Variants in ST8SIA3 observed in about 807,000 individuals in gnomAD.
ST8SIA3 encodes alpha-N-acetylneuraminate alpha-2,8-sialyltransferase ST8SIA3.
A neutral mutation model predicts 34.5 loss-of-function variants in ST8SIA3; 17 were observed. The ratio of observed to expected loss-of-function variants is 0.49; its 90% CI spans 0.34 to 0.74. The LOEUF is 0.74. ST8SIA3 is among the 30% of genes least tolerant of loss of function. The pLI is 0.01. For synonymous variants in ST8SIA3, 172 were observed against 176.1 expected, an observed-to-expected ratio of 0.98 and a Z score of 0.19; for missense variants, 354 against 467.8, an observed-to-expected ratio of 0.76 and a Z score of 2.24.
Position 57,357,481 on chromosome 18 carries a change from T to G in ST8SIA3, c.860+11T>G, listed in dbSNP as rs1436731890. On this transcript the variant is annotated intron_variant, in intron 3 of 3. Coordinates refer to ENST00000324000, the MANE Select transcript of ST8SIA3 (RefSeq NM_015879.3). ...GCAACATGTCAACAGGTGTGTATAT[T>G]TTATTACATTTTACTCATACTCCAC... 6.3e-7 allele frequency: 1 copy of G among 1,594,912 alleles called. No homozygotes were observed. Among genetic ancestry groups the G allele is most frequent in the African/African-American group, 1.3e-5 (1 of 74,438 alleles).
At chr18:57,356,041 T>A (rs539379099) in intron 2 of ST8SIA3, among the ~76,000 whole-genome samples, 1 of 152,372 alleles carries the variant, frequency 6.6e-6, no homozygotes, top group South Asian at 2.1e-4. Context: ...CTGGGTTTAC[T>A]TAACATCGGA....
In ST8SIA3 at chr18:57,368,359, A is replaced by G. The variant is rs1426668275; in HGVS notation, c.*8082A>G. The G allele has an allele frequency of 6.6e-6, 1 of 152,238 alleles. No homozygotes were observed. Among genetic ancestry groups the G allele is most frequent in the African/African-American group, 2.4e-5 (1 of 41,470 alleles). 9.4% of individuals were successfully genotyped at this position (152,238 alleles called of 1,614,324 possible). On this transcript the variant is annotated 3_prime_UTR_variant, in exon 4 of 4. Transcript: ENST00000324000. ...AGAGTAATGATGAAACCAAAAGGTC[A>G]AAAAGTAGAAGAATAGCGAATGTAA...
rs1176110073 is a variant in ST8SIA3 at position 57,362,664 on chromosome 18, A to C, written c.*2387A>C. ...TCTATCACTTTAATGAAAACTCAAA[A>C]TAGTGAGGAAATGGACTTTTCTTCA... is the stretch of plus-strand genomic sequence containing the variant. On this transcript the variant is annotated 3_prime_UTR_variant, in exon 4 of 4. Transcript: ENST00000324000. 2 of 152,158 alleles carry C rather than the reference A, an allele frequency of 1.3e-5. No individual in the cohort carries two copies. The highest frequency in any genetic ancestry group is 4.8e-5 in the African/African-American group (2 of 41,428). 9.4% of individuals were successfully genotyped at this position (152,158 alleles called of 1,614,324 possible). A position where few individuals can be genotyped will look rare whatever the true frequency, so the allele number is the denominator to read the frequency against.
At position 57,366,467 on chromosome 18, in the gene ST8SIA3, A is replaced by G. The variant is rs1297471921; in HGVS notation, c.*6190A>G. The G allele has an allele frequency of 3.3e-5, 5 of 152,396 alleles. No homozygotes were observed. The highest frequency in any genetic ancestry group is 5.9e-5 in the Non-Finnish European group (4 of 68,038). 9.4% of individuals were successfully genotyped at this position (152,396 alleles called of 1,614,324 possible). A position where few individuals can be genotyped will look rare whatever the true frequency, so the allele number is the denominator to read the frequency against. Reference sequence around the variant, plus strand: ...TTGGCTGATCTTTTTTAAAAAATCTATACCTATAGTTCATCACTTGTTTCC... The same window carrying G: ...TTGGCTGATCTTTTTTAAAAAATCTGTACCTATAGTTCATCACTTGTTTCC... On this transcript the variant is annotated 3_prime_UTR_variant, in exon 4 of 4. Transcript: ENST00000324000.
rs748174325 is a variant in ST8SIA3 at position 57,353,016 on chromosome 18, C to A, written c.170C>A (p.Ala57Glu). 6.2e-7 allele frequency: 1 copy of A among 1,607,936 alleles called. No individual in the cohort carries two copies. Among genetic ancestry groups the A allele is most frequent in the Non-Finnish European group, 8.5e-7 (1 of 1,179,824 alleles). The change falls in exon 1 of 4, where the codon GCG becomes GAG. Residue 57 changes from alanine to glutamate, a missense_variant. By Grantham distance (107) the Ala-to-Glu change is moderately radical. Coordinates refer to ENST00000324000, the MANE Select transcript of ST8SIA3 (RefSeq NM_015879.3). ...PGAPRMYMFH[A>E]GFRSQFALKF... Reference sequence around the variant, plus strand: ...GCGCCCCGAATGTACATGTTCCACGCGGGATTCCGGTGAGTGCGGGCCTCT... The same window carrying A: ...GCGCCCCGAATGTACATGTTCCACGAGGGATTCCGGTGAGTGCGGGCCTCT...
rs535953808 is a variant in ST8SIA3, at chr18:57,360,619, C to G, written c.*342C>G. The G allele has an allele frequency of 2.0e-3, 428 of 217,012 alleles. 5 individuals carry two copies. The highest frequency in any genetic ancestry group is 4.4e-3 in the South Asian group (42 of 9,566). 13.4% of individuals were successfully genotyped at this position (217,012 alleles called of 1,614,324 possible). A position where few individuals can be genotyped will look rare whatever the true frequency, so the allele number is the denominator to read the frequency against. On this transcript the variant is annotated 3_prime_UTR_variant, in exon 4 of 4. Coordinates refer to ENST00000324000, the MANE Select transcript of ST8SIA3 (RefSeq NM_015879.3). The stretch of plus-strand genomic sequence containing the variant: ...GAGCTATAGTTTCTGCAGCTCTGCT[C>G]AGATAGTCCTCATAATCAGAGGCCT...
At chr18:57,353,597 T>C (rs1216742664) in intron 1 of ST8SIA3, among the ~76,000 whole-genome samples, 4 of 150,814 alleles carry the variant, frequency 2.7e-5, no homozygotes, top group African/African-American at 9.8e-5. Flanking sequence ...CCCCACCAGC[T>C]TTCCGGGATT....
chr18:57,356,943 A>G lies in ST8SIA3; in HGVS notation c.333A>G (p.Ile111Met), dbSNP rs2049801029. Residue 111 changes from isoleucine (I) to methionine (M), a missense_variant, in exon 3 of 4, where the codon ATA becomes ATG. Around this residue, in one of 3 missense-constraint regions of ST8SIA3, gnomAD observed 184 missense variants for 205.4 expected, o/e 0.90. Coordinates refer to ENST00000324000, the MANE Select transcript of ST8SIA3 (RefSeq NM_015879.3). ...AAATTCTTCAGCATGTCGATGTAAT[A>G]AAAAATTTTTCTTTGACCAAGAATA... ...RQEILQHVDV[I>M]KNFSLTKNSV... is the part of the protein sequence containing the mutation. 2 of 1,600,388 alleles carry G rather than the reference A, an allele frequency of 1.2e-6. No homozygotes were observed. Among genetic ancestry groups the G allele is most frequent in the African/African-American group, 2.7e-5 (2 of 74,310 alleles).
At position 57,357,339 on chromosome 18, in the gene ST8SIA3, T is replaced by C. The variant is rs528777715; in HGVS notation, c.729T>C (p.Leu243=). The change falls in exon 3 of 4, where the codon CTT becomes CTC. Residue 243 remains leucine, a synonymous_variant. Coordinates refer to ENST00000324000, the MANE Select transcript of ST8SIA3 (RefSeq NM_015879.3). ...LSLKKLDGAI[L]WIPAFFFHTS... Reference sequence around the variant, plus strand: ...TAAAAAAGCTTGACGGGGCCATTCTTTGGATCCCTGCATTTTTCTTCCACA... The same window carrying C: ...TAAAAAAGCTTGACGGGGCCATTCTCTGGATCCCTGCATTTTTCTTCCACA... 6.2e-7 allele frequency: 1 copy of C among 1,613,694 alleles called. No individual in the cohort carries two copies. Among genetic ancestry groups the C allele is most frequent in the Non-Finnish European group, 8.5e-7 (1 of 1,180,004 alleles).
chr18:57,356,907 T>C lies in ST8SIA3; in HGVS notation c.303-6T>C. 3 of 1,559,926 alleles carry C rather than the reference T, an allele frequency of 1.9e-6. No individual in the cohort carries two copies. The highest frequency in any genetic ancestry group is 2.6e-6 in the Non-Finnish European group (3 of 1,145,034). On this transcript the variant is annotated splice_polypyrimidine_tract_variant and splice_region_variant and intron_variant, in intron 2 of 3. Coordinates refer to ENST00000324000, the MANE Select transcript of ST8SIA3 (RefSeq NM_015879.3). ...AATGCTTTTCATGAATTTCTTTTTA[T>C]TTTAGGCAAGAAATTCTTCAGCATG... is the stretch of plus-strand genomic sequence containing the variant.
At chr18:57,354,342 C>A in intron 1 of ST8SIA3, 60 bp from the exon 2 acceptor site, 2 of 1,606,892 alleles carry the variant, frequency 1.2e-6, no homozygotes, top group South Asian at 2.2e-5. Context: ...ACTTTAATGG[C>A]TACCTCGGCT....
chr18:57,362,490 T>C lies in ST8SIA3; in HGVS notation c.*2213T>C, dbSNP rs899456060. 1 of 152,206 alleles carries C rather than the reference T, an allele frequency of 6.6e-6. No individual in the cohort carries two copies. The highest frequency in any genetic ancestry group is 1.5e-5 in the Non-Finnish European group (1 of 68,036). 9.4% of individuals were successfully genotyped at this position (152,206 alleles called of 1,614,324 possible). Reference sequence around the variant, plus strand: ...CTCTAAAAAACAGTTTACTGTTCTGTAGTGGACAATTTAAATTTTATCTCA... The same window carrying C: ...CTCTAAAAAACAGTTTACTGTTCTGCAGTGGACAATTTAAATTTTATCTCA... On this transcript the variant is annotated 3_prime_UTR_variant, in exon 4 of 4. Coordinates refer to ENST00000324000, the MANE Select transcript of ST8SIA3 (RefSeq NM_015879.3).
At position 57,363,107 on chromosome 18, in the gene ST8SIA3, C is replaced by A. The variant is rs990551040; in HGVS notation, c.*2830C>A. On this transcript the variant is annotated 3_prime_UTR_variant, in exon 4 of 4. Coordinates refer to ENST00000324000, the MANE Select transcript of ST8SIA3 (RefSeq NM_015879.3). ...TTTCCCTTTTTTAGGATACTCACAA[C>A]AGAGTCCACTTTCAGCTATTGGAAT... The A allele has an allele frequency of 6.6e-6, 1 of 152,224 alleles. No homozygotes were observed. The highest frequency in any genetic ancestry group is 1.5e-5 in the Non-Finnish European group (1 of 68,048). 9.4% of individuals were successfully genotyped at this position (152,224 alleles called of 1,614,324 possible). A position where few individuals can be genotyped will look rare whatever the true frequency, so the allele number is the denominator to read the frequency against.
In ST8SIA3 at chr18:57,368,229, ATGTT is replaced by A. The variant is rs1805820458; in HGVS notation, c.*7956_*7959del. On this transcript the variant is annotated 3_prime_UTR_variant, in exon 4 of 4. Coordinates refer to ENST00000324000, the MANE Select transcript of ST8SIA3 (RefSeq NM_015879.3). ...ATTAATTAGAAGTCAAGACAAAAGA[ATGTT>A]TGTGATATCTTCTCTCGCTTAACAT... 6.6e-6 allele frequency: 1 copy of A among 152,248 alleles called. No individual in the cohort carries two copies. Among genetic ancestry groups the A allele is most frequent in the African/African-American group, 2.4e-5 (1 of 41,468 alleles). The allele number at this position is 152,248 out of a possible 1,614,324, so 9.4% of individuals were successfully genotyped here.
At chr18:57,356,063 C>T (rs752177585) in intron 2 of ST8SIA3, among the ~76,000 whole-genome samples, 2 of 152,172 alleles carry the variant, frequency 1.3e-5, no homozygotes, top group Non-Finnish European at 2.9e-5. Flanking sequence ...AATCTAGCAG[C>T]AGTAGCATGT....
Position 57,354,405 on chromosome 18 carries a change from ACAATTTGC to A in ST8SIA3, c.184_191del (p.Gln62AlafsTer25). On this transcript the variant is annotated frameshift_variant, in exon 2 of 4. Coordinates refer to ENST00000324000, the MANE Select transcript of ST8SIA3 (RefSeq NM_015879.3). LOFTEE classifies it high-confidence loss of function. ...CTGTGCTCATGCTCCTCTCCAGGTC[ACAATTTGC>A]GCTGAAGTTTCTAGACCCGTCATTC... 1 of 1,614,066 alleles carries A rather than the reference ACAATTTGC, an allele frequency of 6.2e-7. No homozygotes were observed. The highest frequency in any genetic ancestry group is 8.5e-7 in the Non-Finnish European group (1 of 1,179,944).
intron 2 of ST8SIA3, among the ~76,000 whole-genome samples, chr18:57,355,547 T>C (rs1016745224): frequency 2.6e-5 from 4 of 152,194 alleles, no homozygotes; most frequent in Non-Finnish European, 5.9e-5. Context: ...AAAACACTTA[T>C]GTTTAATTAT....
Position 57,361,270 on chromosome 18 carries a change from GGAA to G in ST8SIA3, c.*1000_*1002del, listed in dbSNP as rs2049828955. 6.6e-6 allele frequency: 1 copy of G among 152,344 alleles called. No individual in the cohort carries two copies. Among genetic ancestry groups the G allele is most frequent in the African/African-American group, 2.4e-5 (1 of 41,562 alleles). 9.4% of individuals were successfully genotyped at this position (152,344 alleles called of 1,614,324 possible). A position where few individuals can be genotyped will look rare whatever the true frequency, so the allele number is the denominator to read the frequency against. On this transcript the variant is annotated 3_prime_UTR_variant, in exon 4 of 4. Transcript: ENST00000324000. Reference sequence around the variant, plus strand: ...AGACCCTGGGACACACAAAGGAAAAGGAAGAAGAATATTTAGAAGTTGTTATGG... The same window carrying G: ...AGACCCTGGGACACACAAAGGAAAAGGAAGAATATTTAGAAGTTGTTATGG...
chr18:57,355,617 G>A (rs2049794258), intron 2 of ST8SIA3, among the ~76,000 whole-genome samples: 1 of 151,742 alleles, frequency 6.6e-6, no homozygotes. Flanking sequence ...TTAATAATTG[G>A]GTTTTAATTC....
Sources: gnomAD v4.1 joint callset for allele counts (sites outside exome capture counted in the v4.1 genomes callset) on GRCh38, gnomAD v4.1.1 for gene constraint, gnomAD v4.1.1 regional missense constraint, MANE v1.5 for transcripts, NCBI Gene and HGNC (gene_info 2026-07-23, HGNC 2026-07-21) for gene names.